Variants in MAPRE1 observed in about 807,000 individuals in gnomAD.
The protein encoded by MAPRE1 is microtubule-associated protein RP/EB family member 1.
In MAPRE1, 5 loss-of-function variants were observed where a neutral mutation model predicts 32.1. The ratio of observed to expected loss-of-function variants is 0.16; its 90% CI spans 0.08 to 0.33. MAPRE1 has a LOEUF of 0.33. MAPRE1 is among the 10% of genes least tolerant of loss of function. The pLI is 1.00. For synonymous variants in MAPRE1, 122 were observed against 118.9 expected, an observed-to-expected ratio of 1.03 and a Z score of -0.17; for missense variants, 209 against 327.2, an observed-to-expected ratio of 0.64 and a Z score of 2.79.
intron 3 of MAPRE1, among the ~76,000 whole-genome samples, chr20:32,835,584 T>G (rs1258793930): frequency 6.6e-6 from 1 of 151,994 alleles, no homozygotes; most frequent in African/African-American, 2.4e-5. Context: ...AGGTTAGAAT[T>G]ATTCTTTTTT....
intron 5 of MAPRE1, among the ~76,000 whole-genome samples, chr20:32,846,006 A>G (rs2146141083): frequency 6.6e-6 from 1 of 152,386 alleles, no homozygotes; most frequent in South Asian, 2.1e-4. Context: ...ATGTGAATAC[A>G]GTACACTGGA....
At chr20:32,836,956 C>A (rs1415459495) in intron 4 of MAPRE1, 115 bp downstream of exon 4, 3 of 920,388 alleles carry the variant, frequency 3.3e-6, no homozygotes, top group African/African-American at 3.4e-5. Flanking sequence ...AAATATAATC[C>A]CAGGCATGTG....
At chr20:32,833,143 A>G (rs950021739) in intron 2 of MAPRE1, among the ~76,000 whole-genome samples, 1 of 151,690 alleles carries the variant, frequency 6.6e-6, no homozygotes, top group African/African-American at 2.4e-5. Context: ...CAGAAGTTGC[A>G]GTGAGCTGAG....
intron 5 of MAPRE1, among the ~76,000 whole-genome samples, chr20:32,841,083 G>A (rs1008731929): frequency 1.3e-5 from 2 of 152,198 alleles, no homozygotes; most frequent in African/African-American, 4.8e-5. Flanking sequence ...CCCAGTGCTG[G>A]GATTACAGGC....
At chr20:32,835,439 T>C (rs1358706040) in intron 3 of MAPRE1, among the ~76,000 whole-genome samples, 1 of 141,556 alleles carries the variant, frequency 7.1e-6, no homozygotes, top group South Asian at 2.5e-4. Context: ...CAAGCAGTCC[T>C]CAAGATAGCT....
At position 32,822,000 on chromosome 20, in the gene MAPRE1, CAATT is replaced by C. The variant is rs1982716950; in HGVS notation, c.-4+1977_-4+1980del. 2.6e-5 allele frequency among the ~76,000 whole-genome samples: 4 copies of C among 152,030 alleles called. No homozygotes were observed. In the South Asian group the frequency reaches 8.3e-4, roughly 32 times the overall value. On this transcript the variant is annotated intron_variant, in intron 1 of 6. Transcript: ENST00000375571. ...CTCTGTTTTGATTGTCAGGAGGAGC[CAATT>C]AATTGATTGAGTCGGTGGATGTTCA... is the stretch of plus-strand genomic sequence containing the variant.
Position 32,833,814 on chromosome 20 carries a change from G to A in MAPRE1, c.219G>A (p.Gln73=). 1 of 1,614,038 alleles carries A rather than the reference G, an allele frequency of 6.2e-7. No individual in the cohort carries two copies. Among genetic ancestry groups the A allele is most frequent in the Middle Eastern group, 1.7e-4 (1 of 6,058 alleles). Residue 73 remains glutamine, a synonymous_variant, in exon 3 of 7, where the codon CAG becomes CAA. Coordinates refer to ENST00000375571, the MANE Select transcript of MAPRE1 (RefSeq NM_012325.3). ...FQAKLEHEYI[Q]NFKILQAGFK... ...CTAAGCTAGAACACGAGTACATCCA[G>A]AACTTCAAAATACTACAAGCAGGTT...
intron 1 of MAPRE1, among the ~76,000 whole-genome samples, chr20:32,824,280 C>G (rs773551220): frequency 3.3e-5 from 5 of 152,244 alleles, no homozygotes; most frequent in Non-Finnish European, 7.3e-5. Flanking sequence ...GTTGACTACA[C>G]TGGTGCTCAT....
At chr20:32,837,241 CA>C (rs1394069916) in intron 4 of MAPRE1, among the ~76,000 whole-genome samples, 1 of 152,156 alleles carries the variant, frequency 6.6e-6, no homozygotes, top group Non-Finnish European at 1.5e-5. Flanking sequence ...GAAGTTATAC[CA>C]GAGCTGAACT....
Position 32,836,074 on chromosome 20 carries a change from T to G in MAPRE1, c.268-560T>G, listed in dbSNP as rs183832401. Among the ~76,000 whole-genome samples, 1,445 of 152,174 alleles carry G rather than the reference T, an allele frequency of 9.5e-3. 14 individuals carry two copies. Among genetic ancestry groups the G allele is most frequent in the Non-Finnish European group, 0.012 (789 of 67,996 alleles). On this transcript the variant is annotated intron_variant, in intron 3 of 6. Coordinates refer to ENST00000375571, the MANE Select transcript of MAPRE1 (RefSeq NM_012325.3). The stretch of plus-strand genomic sequence containing the variant: ...TCTCCTGGGCTCAAGCAGTCCAATC[T>G]CAGCCTCCCAAGGAGCTGGGACCAT...
chr20:32,834,081 AC>A (rs1983116615), intron 3 of MAPRE1, among the ~76,000 whole-genome samples: 1 of 152,172 alleles, frequency 6.6e-6, no homozygotes, highest in Admixed American at 6.5e-5. Context: ...GAAGTTAGTA[AC>A]TGTTTAGAGG....
intron 5 of MAPRE1, among the ~76,000 whole-genome samples, chr20:32,845,240 C>T (rs565914953): frequency 6.6e-6 from 1 of 152,232 alleles, no homozygotes; most frequent in South Asian, 2.1e-4. Flanking sequence ...CAGGTTTTGC[C>T]ATGTTGCCCA....
rs1206933263 is a variant in MAPRE1, at chr20:32,850,290, CTT to C, written c.*1565_*1566del. On this transcript the variant is annotated 3_prime_UTR_variant, in exon 7 of 7. Transcript: ENST00000375571. Reference sequence around the variant, plus strand: ...TATTTCTCTTTTGTGGCCTTTTAGACTTTTGTTGCCCTAAAATTCCATTTTAT... The same window carrying C: ...TATTTCTCTTTTGTGGCCTTTTAGACTTGTTGCCCTAAAATTCCATTTTAT... 2 of 152,730 alleles carry C rather than the reference CTT, an allele frequency of 1.3e-5. No individual in the cohort carries two copies. The highest frequency in any genetic ancestry group is 3.9e-4 in the East Asian group (2 of 5,188). The allele number at this position is 152,730 out of a possible 1,614,324, so 9.5% of individuals were successfully genotyped here. A position where few individuals can be genotyped will look rare whatever the true frequency, so the allele number is the denominator to read the frequency against.
chr20:32,846,805 T>A (rs780652162), intron 6 of MAPRE1, 35 bp downstream of exon 6: 1 of 1,607,818 alleles, frequency 6.2e-7, no homozygotes, highest in East Asian at 2.2e-5. Context: ...TTCTTTCCAT[T>A]TTACATAGAA....
Position 32,836,685 on chromosome 20 carries a change from T to A in MAPRE1, c.319T>A (p.Phe107Ile), listed in dbSNP as rs1369523909. The A allele has an allele frequency of 6.2e-7, 1 of 1,613,404 alleles. No individual in the cohort carries two copies. The highest frequency in any genetic ancestry group is 8.5e-7 in the Non-Finnish European group (1 of 1,179,530). ...AGGAAAGTTTCAGGACAATTTTGAATTCGTTCAGTGGTTCAAGAAGTTTTT... is the reference window on the plus strand; with the variant it reads ...AGGAAAGTTTCAGGACAATTTTGAAATCGTTCAGTGGTTCAAGAAGTTTTT... ...VKGKFQDNFE[F>I]VQWFKKFFDA... The change falls in exon 4 of 7, where the codon TTC (phenylalanine) becomes ATC (isoleucine). Residue 107 changes from phenylalanine to isoleucine, a missense_variant. This residue lies in a region of MAPRE1 where 67 missense variants were observed against 140.0 expected (regional missense o/e 0.48). Transcript: ENST00000375571.
At position 32,826,055 on chromosome 20, in the gene MAPRE1, G is replaced by C. The variant is rs1291999431; in HGVS notation, c.121+7G>C. ...ATCGAACAGTTGTGCTCAGGTAAGAGAAATCTGCTGGATCATTTTTCTAGG... is the reference window on the plus strand; with the variant it reads ...ATCGAACAGTTGTGCTCAGGTAAGACAAATCTGCTGGATCATTTTTCTAGG... On this transcript the variant is annotated splice_region_variant and intron_variant, in intron 2 of 6. Transcript: ENST00000375571. The C allele has an allele frequency of 3.8e-6, 6 of 1,580,798 alleles. No homozygotes were observed. The highest frequency in any genetic ancestry group is 5.2e-6 in the Non-Finnish European group (6 of 1,154,448).
At chr20:32,832,656 CAG>C (rs1983068066) in intron 2 of MAPRE1, among the ~76,000 whole-genome samples, 2 of 151,934 alleles carry the variant, frequency 1.3e-5, no homozygotes, top group East Asian at 1.9e-4. Context: ...TTTGTAGAGA[CAG>C]GGTTTCACCA....
intron 1 of MAPRE1, among the ~76,000 whole-genome samples, chr20:32,821,108 C>T (rs1309537181): frequency 6.6e-6 from 1 of 151,916 alleles, no homozygotes; most frequent in Non-Finnish European, 1.5e-5. Context: ...CTCCGCCTCC[C>T]GGGTTCAAGC....
intron 5 of MAPRE1, among the ~76,000 whole-genome samples, chr20:32,841,320 A>G (rs1366873178): frequency 1.3e-5 from 2 of 152,200 alleles, no homozygotes; most frequent in Non-Finnish European, 2.9e-5. Flanking sequence ...GATTTCAAAC[A>G]CAGGAAGCAG....
Sources: allele counts gnomAD v4.1 joint callset (sites outside exome capture counted in the v4.1 genomes callset), GRCh38; gene constraint gnomAD v4.1.1; regional missense constraint gnomAD v4.1.1; transcripts MANE v1.5; gene names NCBI Gene and HGNC (gene_info 2026-07-23, HGNC 2026-07-21).